CYP27A1: variants seen among roughly 807,000 people sequenced by gnomAD.
CYP27A1 encodes sterol 26-hydroxylase, mitochondrial.
Under a neutral mutation model 58.2 loss-of-function variants are expected in CYP27A1, and 46 were observed. The ratio of observed to expected loss-of-function variants is 0.79; its 90% CI spans 0.62 to 1.01. The LOEUF is 1.01. Ranked by LOEUF, CYP27A1 falls within the 50% of genes least tolerant of loss-of-function variation. CYP27A1 has a pLI of 0.00. For missense variants in CYP27A1, 704 were observed against 687.0 expected, an observed-to-expected ratio of 1.02 and a Z score of -0.28; for synonymous variants, 274 against 285.1, an observed-to-expected ratio of 0.96 and a Z score of 0.39.
At chr2:218,800,470 C>T (rs1943589594) in intron 1 of CYP27A1, among the ~76,000 whole-genome samples, 1 of 152,076 alleles carries the variant, frequency 6.6e-6, no homozygotes, top group African/African-American at 2.4e-5. Context: ...ATGAGACAAG[C>T]ACTTTCTTTT....
At chr2:218,784,775 C>T (rs1247758660) in intron 1 of CYP27A1, among the ~76,000 whole-genome samples, 1 of 152,196 alleles carries the variant, frequency 6.6e-6, no homozygotes, top group Non-Finnish European at 1.5e-5. Context: ...CAGCTTTTCA[C>T]TTGAATAAAA....
chr2:218,793,476 C>G (rs778484210), intron 1 of CYP27A1, among the ~76,000 whole-genome samples: 1 of 152,158 alleles, frequency 6.6e-6, no homozygotes, highest in Non-Finnish European at 1.5e-5. Flanking sequence ...AGAATCTCTT[C>G]TTTCCTCTCT....
chr2:218,783,257 C>CAAA (rs371442397), intron 1 of CYP27A1, among the ~76,000 whole-genome samples: 5 of 79,530 alleles, frequency 6.3e-5, no homozygotes, highest in African/African-American at 1.7e-4. Context: ...AACTCTGTCT[C>CAAA]AAAAAAAAAA....
chr2:218,798,064 G>A (rs939120607), intron 1 of CYP27A1, among the ~76,000 whole-genome samples: 2 of 152,038 alleles, frequency 1.3e-5, no homozygotes, highest in Admixed American at 6.6e-5. Flanking sequence ...GTGCAGTGGT[G>A]TGATCTCGGC....
In CYP27A1 at chr2:218,782,238, G is replaced by T. The variant is rs1203579586; in HGVS notation, c.56G>T (p.Gly19Val). 1 of 1,546,620 alleles carries T rather than the reference G, an allele frequency of 6.5e-7. No individual in the cohort carries two copies. Among genetic ancestry groups the T allele is most frequent in the East Asian group, 2.4e-5 (1 of 40,990 alleles). Residue 19 changes from glycine to valine, a missense_variant, in exon 1 of 9, where the codon GGC becomes GTC. By Grantham distance (109) the Gly-to-Val change is moderately radical (BLOSUM62 -3). Coordinates refer to ENST00000258415, the MANE Select transcript of CYP27A1 (RefSeq NM_000784.4). The surrounding 1 kb of genome is among the most constrained non-coding windows in gnomAD (Gnocchi z 4.1). ...LRWALRGAGR[G>V]LCPHGARAKA... ...TGGGCGCTGCGAGGGGCCGGCCGTG[G>T]CCTCTGCCCCCACGGGGCCAGAGCC...
At chr2:218,813,932 C>A in intron 5 of CYP27A1, 89 bp from the exon 6 acceptor site, 1 of 1,441,372 alleles carries the variant, frequency 6.9e-7, no homozygotes, top group Non-Finnish European at 9.7e-7. Flanking sequence ...ATTTCTCCCA[C>A]ATTTTGCATA....
chr2:218,806,951 ATTTTTTTT>A (rs10647379), intron 1 of CYP27A1, among the ~76,000 whole-genome samples: 3 of 100,512 alleles, frequency 3.0e-5, no homozygotes, highest in Admixed American at 2.5e-4. Flanking sequence ...CTCCTAGGGA[ATTTTTTTT>A]TTTTTTTTTT....
In CYP27A1 at chr2:218,814,907, C is replaced by G. The variant is rs755665162; in HGVS notation, c.1477-4C>G. The G allele has an allele frequency of 1.9e-6, 3 of 1,614,092 alleles. No individual in the cohort carries two copies. The highest frequency in any genetic ancestry group is 1.7e-5 in the Admixed American group (1 of 60,008). ...CCCAACCACATGTGCTCTTTACCCC[C>G]CAGCTGATCCAGAAGTACAAGGTGG... On this transcript the variant is annotated splice_polypyrimidine_tract_variant and splice_region_variant and intron_variant, in intron 8 of 8. Coordinates refer to ENST00000258415, the MANE Select transcript of CYP27A1 (RefSeq NM_000784.4).
intron 1 of CYP27A1, among the ~76,000 whole-genome samples, chr2:218,802,367 C>G (rs929852013): frequency 3.3e-5 from 5 of 151,310 alleles, no homozygotes; most frequent in Admixed American, 3.3e-4. Flanking sequence ...TGTGAAGAAA[C>G]AGAACTACTT....
intron 1 of CYP27A1, among the ~76,000 whole-genome samples, chr2:218,788,217 T>C (rs762761085): frequency 3.3e-5 from 5 of 152,214 alleles, no homozygotes; most frequent in Admixed American, 6.5e-5. Flanking sequence ...CCTGGCCTGG[T>C]TTGGCCAGAA....
At chr2:218,795,087 C>T (rs1044406817) in intron 1 of CYP27A1, among the ~76,000 whole-genome samples, 5 of 152,306 alleles carry the variant, frequency 3.3e-5, no homozygotes, top group African/African-American at 9.6e-5. Context: ...TGTCTCTATT[C>T]CCACTAGTGT....
Position 218,789,500 on chromosome 2 carries a change from G to A in CYP27A1, c.255+7063G>A, listed in dbSNP as rs540914263. 4.1e-4 allele frequency among the ~76,000 whole-genome samples: 63 copies of A among 152,312 alleles called. No individual in the cohort carries two copies. The South Asian group carries it at 0.011, about 27-fold the overall frequency. ...ATGGAAGTGAGGTACAGAAACAGCC[G>A]GATTGATTACAGCTTGGCATTAGCC... is the stretch of plus-strand genomic sequence containing the variant. On this transcript the variant is annotated intron_variant, in intron 1 of 8. Transcript: ENST00000258415.
chr2:218,804,553 G>A (rs1316929857), intron 1 of CYP27A1, among the ~76,000 whole-genome samples: 5 of 152,088 alleles, frequency 3.3e-5, no homozygotes, highest in Non-Finnish European at 2.9e-5. Context: ...ATTAATTTTA[G>A]GATCAGGTTT....
At chr2:218,809,478 GC>G in intron 1 of CYP27A1, 98 bp from the exon 2 acceptor site, 1 of 230,616 alleles carries the variant, frequency 4.3e-6, no homozygotes, top group Non-Finnish European at 8.0e-6. Flanking sequence ...CAGCTCATTT[GC>G]TCTTGTGTAG....
chr2:218,811,656 T>C (rs1372028030), intron 2 of CYP27A1, among the ~76,000 whole-genome samples: 1 of 152,188 alleles, frequency 6.6e-6, no homozygotes, highest in East Asian at 1.9e-4. Flanking sequence ...TCTGACCCAC[T>C]GAGCCAAGCA....
rs1363995956 is a variant in CYP27A1, at chr2:218,809,443, T to G, written c.256-134T>G. 8 of 161,400 alleles carry G rather than the reference T, an allele frequency of 5.0e-5. 1 individual carries two copies. Among genetic ancestry groups the G allele is most frequent in the African/African-American group, 2.6e-4 (5 of 18,958 alleles). The allele number at this position is 161,400 out of a possible 1,614,324, so 10.0% of individuals were successfully genotyped here. A position where few individuals can be genotyped will look rare whatever the true frequency, so the allele number is the denominator to read the frequency against. On this transcript the variant is annotated intron_variant, in intron 1 of 8. Transcript: ENST00000258415. ...GGTGCCTACATCATACACAATGCCC[T>G]TTTTTTTTTTTTTTTTTTTTTGCCC...
At chr2:218,783,332 G>T (rs1490003423) in intron 1 of CYP27A1, among the ~76,000 whole-genome samples, 3 of 152,006 alleles carry the variant, frequency 2.0e-5, no homozygotes, top group Non-Finnish European at 4.4e-5. Context: ...GTGGTGTTGG[G>T]GGAGAAAACC....
At chr2:218,793,637 T>C (rs1943517546) in intron 1 of CYP27A1, among the ~76,000 whole-genome samples, 1 of 152,132 alleles carries the variant, frequency 6.6e-6, no homozygotes, top group Non-Finnish European at 1.5e-5. Context: ...ACTTCATAAA[T>C]ACATTTATCA....
chr2:218,815,092 G>T lies in CYP27A1; in HGVS notation c.*62G>T. On this transcript the variant is annotated 3_prime_UTR_variant, in exon 9 of 9. Coordinates refer to ENST00000258415, the MANE Select transcript of CYP27A1 (RefSeq NM_000784.4). Reference sequence around the variant, plus strand: ...CTCCAGCTCTGGCACAGTGGTTCCTGGCTGCTGCCATGTCTCAGATGAGGA... The same window carrying T: ...CTCCAGCTCTGGCACAGTGGTTCCTTGCTGCTGCCATGTCTCAGATGAGGA... 2 of 1,608,240 alleles carry T rather than the reference G, an allele frequency of 1.2e-6. No individual in the cohort carries two copies. The highest frequency in any genetic ancestry group is 1.1e-5 in the South Asian group (1 of 90,518).
Sources: allele counts gnomAD v4.1 joint callset (sites outside exome capture counted in the v4.1 genomes callset), GRCh38; gene constraint gnomAD v4.1.1; non-coding constraint Gnocchi (gnomAD v3.1); transcripts MANE v1.5; gene names NCBI Gene and HGNC (gene_info 2026-07-23, HGNC 2026-07-21).